Variants in LCORL observed in about 807,000 individuals in gnomAD.
LCORL encodes ligand dependent nuclear receptor corepressor like.
Under a neutral mutation model 141.8 loss-of-function variants are expected in LCORL, and 41 were observed. The ratio of observed to expected loss-of-function variants is 0.29; its 90% CI spans 0.23 to 0.38. LCORL has a LOEUF of 0.38. Ranked by LOEUF, LCORL falls within the 10% of genes least tolerant of loss-of-function variation. LCORL has a pLI of 1.00. For missense variants in LCORL, 1,759 were observed against 2,035.0 expected (o/e 0.86, Z 2.61); for synonymous variants, 618 against 694.1 (o/e 0.89, Z 1.72).
At chr4:18,001,335 T>G (rs1721929250) in intron 1 of LCORL, among the ~76,000 whole-genome samples, 1 of 152,192 alleles carries the variant, frequency 6.6e-6, no homozygotes, top group South Asian at 2.1e-4. Context: ...CATACTACAA[T>G]TACTCTGCTA....
intron 1 of LCORL, among the ~76,000 whole-genome samples, chr4:17,982,054 A>G (rs1050395732): frequency 4.6e-5 from 7 of 151,346 alleles, no homozygotes; most frequent in African/African-American, 1.7e-4. Flanking sequence ...ATGTCCCTGC[A>G]AAGGACATGA....
chr4:17,893,377 A>G, intron 5 of LCORL: 1 of 962,516 alleles, frequency 1.0e-6, no homozygotes, highest in East Asian at 1.1e-4. Flanking sequence ...TAAGTAAATG[A>G]ATTTAAGTAT....
In LCORL at chr4:17,857,844, T is replaced by C. The variant is rs144830397; in HGVS notation, c.5603-11943A>G. On this transcript the variant is annotated intron_variant, in intron 7 of 7. Transcript: ENST00000635767. Reference sequence around the variant, plus strand: ...GCTCTGGCCAACAATGCTTAAGACATGAAAGAATCAAGATATTTCTCAATA... The same window carrying C: ...GCTCTGGCCAACAATGCTTAAGACACGAAAGAATCAAGATATTTCTCAATA... Among the ~76,000 whole-genome samples, 409 of 152,294 alleles carry C rather than the reference T, an allele frequency of 2.7e-3. 4 individuals carry two copies. Among genetic ancestry groups the C allele is most frequent in the Non-Finnish European group, 2.9e-3 (200 of 68,016 alleles).
chr4:17,992,698 C>CT (rs1225476971), intron 1 of LCORL, among the ~76,000 whole-genome samples: 1 of 152,200 alleles, frequency 6.6e-6, no homozygotes, highest in Non-Finnish European at 1.5e-5. Context: ...CAAACAGACT[C>CT]TATCTTTTCC....
chr4:17,937,863 C>T (rs1413684482), intron 4 of LCORL, among the ~76,000 whole-genome samples: 1 of 151,932 alleles, frequency 6.6e-6, no homozygotes, highest in Non-Finnish European at 1.5e-5. Flanking sequence ...ATGGAAGCAG[C>T]CAGGGGAGTC....
At chr4:17,966,877 C>T (rs1023920157) in intron 2 of LCORL, among the ~76,000 whole-genome samples, 8 of 152,274 alleles carry the variant, frequency 5.3e-5, no homozygotes, top group African/African-American at 1.7e-4. Flanking sequence ...GATACCCTTA[C>T]AGTTTCTTAC....
intron 1 of LCORL, among the ~76,000 whole-genome samples, chr4:18,006,668 C>T (rs1188036454): frequency 6.6e-6 from 1 of 152,038 alleles, no homozygotes; most frequent in African/African-American, 2.4e-5. Flanking sequence ...CAGGGAAAGT[C>T]CCCTTTTTAA....
intron 1 of LCORL, among the ~76,000 whole-genome samples, chr4:17,984,129 T>C (rs549677320): frequency 6.6e-6 from 1 of 152,264 alleles, no homozygotes; most frequent in African/African-American, 2.4e-5. Flanking sequence ...TACCTGATAG[T>C]GGTGTATTAG....
Position 17,886,083 on chromosome 4 carries a change from T to C in LCORL, c.761A>G (p.Glu254Gly), listed in dbSNP as rs757057843. 3.8e-6 allele frequency: 6 copies of C among 1,583,834 alleles called. No homozygotes were observed. In the Admixed American group the frequency reaches 5.1e-5, roughly 13 times the overall value. ...TATTGCTTACCCAGCCACTGAATTT[T>C]CAGAAGAAGGATCACATATGGATGA... Residue 254 changes from glutamate to glycine, a missense_variant, in exon 6 of 8, where the codon GAA (glutamate) becomes GGA (glycine). Transcript: ENST00000635767.
intron 1 of LCORL, among the ~76,000 whole-genome samples, chr4:17,973,686 G>T (rs1177466928): frequency 6.6e-6 from 1 of 151,776 alleles, no homozygotes; most frequent in African/African-American, 2.4e-5. Context: ...TGGCATGACA[G>T]ACCCTATAAA....
At chr4:17,881,058 C>T (rs1727504115) in intron 6 of LCORL, 1 of 979,818 alleles carries the variant, frequency 1.0e-6, no homozygotes. Context: ...AGTTAGTATA[C>T]AATTTAATAT....
At chr4:17,873,429 C>G in exon 7 of LCORL, 2 of 1,233,832 alleles carry the variant, frequency 1.6e-6, no homozygotes, top group East Asian at 3.2e-5. Flanking sequence ...TCCACTGTTG[C>G]AAGACTGTCG....
chr4:17,976,513 T>C (rs913126997), intron 1 of LCORL, among the ~76,000 whole-genome samples: 39 of 152,276 alleles, frequency 2.6e-4, no homozygotes, highest in African/African-American at 8.4e-4. Context: ...CCACTTAGTA[T>C]GTAATGTAAG....
chr4:17,900,165 G>A (rs1237833245), intron 5 of LCORL, among the ~76,000 whole-genome samples: 2 of 151,748 alleles, frequency 1.3e-5, no homozygotes, highest in Non-Finnish European at 2.9e-5. Flanking sequence ...TGGAACTTCT[G>A]AATTTAAAAA....
At chr4:17,935,082 C>A (rs1195377674) in intron 4 of LCORL, among the ~76,000 whole-genome samples, 1 of 152,150 alleles carries the variant, frequency 6.6e-6, no homozygotes, top group Non-Finnish European at 1.5e-5. Context: ...CTGGTTATTA[C>A]ATACTTTGCC....
chr4:17,882,468 G>A (rs1019859770), intron 6 of LCORL: 55 of 984,330 alleles, frequency 5.6e-5, no homozygotes, highest in Non-Finnish European at 5.9e-5. Context: ...AGGTAAAAAT[G>A]ACCAGTCTCT....
At chr4:17,888,762 T>C (rs1299840282) in intron 5 of LCORL, among the ~76,000 whole-genome samples, 1 of 152,186 alleles carries the variant, frequency 6.6e-6, no homozygotes, top group Non-Finnish European at 1.5e-5. Context: ...AAAGAAATGT[T>C]TCCTCTGTTC....
intron 4 of LCORL, among the ~76,000 whole-genome samples, chr4:17,958,310 A>G (rs1487119905): frequency 6.6e-6 from 1 of 151,826 alleles, no homozygotes; most frequent in Non-Finnish European, 1.5e-5. Flanking sequence ...AAAACATATT[A>G]CATTTTGATG....
At chr4:18,012,193 G>C (rs60035749) in intron 1 of LCORL, among the ~76,000 whole-genome samples, 2,667 of 152,274 alleles carry the variant, frequency 0.018, 92 homozygotes, top group African/African-American at 0.061. Flanking sequence ...CTTACAGTTG[G>C]TCCCTAGTGG....
Sources: gnomAD v4.1 joint callset for allele counts (sites outside exome capture counted in the v4.1 genomes callset) on GRCh38, gnomAD v4.1.1 for gene constraint, MANE v1.5 for transcripts, NCBI Gene and HGNC (gene_info 2026-07-23, HGNC 2026-07-21) for gene names.